Variants in TM9SF2 observed in about 807,000 individuals in gnomAD.
TM9SF2 encodes 76 kDa membrane protein.
TM9SF2 carries 13 observed loss-of-function variants against 84.9 expected under a neutral mutation model. The observed-to-expected ratio is 0.15, with a 90% CI of 0.10 to 0.24. The LOEUF (loss-of-function observed/expected upper bound fraction) is 0.24, where lower values mean the gene tolerates loss of function less well. Among genes scored for constraint, TM9SF2 ranks in the 10% least tolerant of loss-of-function variants. TM9SF2 has a pLI of 1.00. For missense variants in TM9SF2, 562 were observed against 818.5 expected (o/e 0.69, Z 3.82); for synonymous variants, 273 against 285.8 (o/e 0.96, Z 0.45).
intron 9 of TM9SF2, among the ~76,000 whole-genome samples, chr13:99,542,529 A>C (rs1169239676): frequency 6.6e-6 from 1 of 152,156 alleles, no homozygotes; most frequent in Non-Finnish European, 1.5e-5. Flanking sequence ...CACAAGAATC[A>C]CAGTAATTTG....
chr13:99,554,644 A>G (rs984874118), intron 14 of TM9SF2, among the ~76,000 whole-genome samples, 189 bp downstream of exon 14: 1 of 152,246 alleles, frequency 6.6e-6, no homozygotes, highest in Non-Finnish European at 1.5e-5. Flanking sequence ...GATAACAGCT[A>G]GTATAATATG....
At position 99,554,579 on chromosome 13, in the gene TM9SF2, C is replaced by T. The variant is rs906465546; in HGVS notation, c.1640+124C>T. ...AAGCAGTTCTTCAGTAACCAGAAAT[C>T]TTAAAAGCCAAAAGCTTATTTTTAT... On this transcript the variant is annotated intron_variant, in intron 14 of 16. Coordinates refer to ENST00000376387, the MANE Select transcript of TM9SF2 (RefSeq NM_004800.3). The T allele has an allele frequency of 3.8e-6, 4 of 1,052,614 alleles. No homozygotes were observed. The African/African-American group carries it at 6.5e-5, about 17-fold the overall frequency. 65.2% of individuals were successfully genotyped at this position (1,052,614 alleles called of 1,614,324 possible).
At chr13:99,508,443 A>ACCCCCC (rs61347104) in intron 1 of TM9SF2, among the ~76,000 whole-genome samples, 1 of 147,560 alleles carries the variant, frequency 6.8e-6, no homozygotes, top group East Asian at 2.0e-4. Flanking sequence ...ACACACACAC[A>ACCCCCC]CCCCAGAGAT....
intron 1 of TM9SF2, among the ~76,000 whole-genome samples, chr13:99,504,461 G>C (rs2046080372): frequency 6.6e-6 from 1 of 152,138 alleles, no homozygotes; most frequent in Non-Finnish European, 1.5e-5. Context: ...TGCAATATTT[G>C]TCATTGTTGT....
intron 2 of TM9SF2, among the ~76,000 whole-genome samples, chr13:99,518,937 C>T (rs868342621): frequency 2.0e-5 from 3 of 152,018 alleles, no homozygotes; most frequent in South Asian, 2.1e-4. Context: ...TTGTGAAAAA[C>T]GCTGCATGAA....
At position 99,547,044 on chromosome 13, in the gene TM9SF2, G is replaced by A. The variant is rs775258563; in HGVS notation, c.1210G>A (p.Val404Met). The A allele has an allele frequency of 4.3e-6, 7 of 1,614,094 alleles. No individual in the cohort carries two copies. In the South Asian group the frequency reaches 4.4e-5, roughly 10 times the overall value. ...ANRGALMTCA[V>M]VLWVLLGTPA... is the part of the protein sequence containing the mutation. ...CCGAGGAGCGCTGATGACGTGTGCT[G>A]TGGTCCTGTGGGTGCTGCTGGGCAC... Residue 404 changes from valine to methionine, a missense_variant, in exon 11 of 17, where the codon GTG (valine) becomes ATG (methionine). Physicochemically the swap from Val to Met is conservative, Grantham distance 21. Transcript: ENST00000376387.
rs938046921 is a variant in TM9SF2, at chr13:99,554,198, G to C, written c.1489-106G>C. 315 of 1,353,724 alleles carry C rather than the reference G, an allele frequency of 2.3e-4. No homozygotes were observed. The Middle Eastern group carries it at 2.5e-3, about 11-fold the overall frequency. 83.9% of individuals were successfully genotyped at this position (1,353,724 alleles called of 1,614,324 possible). ...TCTTAAGTAGACTTTATTGCCATTAGTGACAACATAGAAGCTGAAAAAAAG... is the reference window on the plus strand; with the variant it reads ...TCTTAAGTAGACTTTATTGCCATTACTGACAACATAGAAGCTGAAAAAAAG... On this transcript the variant is annotated intron_variant, in intron 13 of 16. Coordinates refer to ENST00000376387, the MANE Select transcript of TM9SF2 (RefSeq NM_004800.3).
intron 1 of TM9SF2, among the ~76,000 whole-genome samples, chr13:99,508,921 A>G (rs1354643138): frequency 3.3e-5 from 5 of 152,054 alleles, no homozygotes; most frequent in African/African-American, 9.7e-5. Context: ...GTGGGGAAAA[A>G]TACTCAAATC....
intron 1 of TM9SF2, among the ~76,000 whole-genome samples, chr13:99,505,493 A>C (rs531812137): frequency 6.6e-6 from 1 of 152,252 alleles, no homozygotes; most frequent in Non-Finnish European, 1.5e-5. Context: ...TTGCTATTGA[A>C]ATTTCTGTGT....
intron 3 of TM9SF2, among the ~76,000 whole-genome samples, chr13:99,524,360 T>C (rs1160321163): frequency 6.6e-6 from 1 of 152,002 alleles, no homozygotes; most frequent in Non-Finnish European, 1.5e-5. Context: ...GCCGACAGAA[T>C]TTGCCAAGGG....
chr13:99,504,309 A>T (rs192114617), intron 1 of TM9SF2, among the ~76,000 whole-genome samples: 2 of 152,332 alleles, frequency 1.3e-5, no homozygotes. Context: ...GATGCTGTTA[A>T]GTTAGTGAAT....
At chr13:99,539,636 G>A in intron 7 of TM9SF2, 79 bp downstream of exon 7, 2 of 934,748 alleles carry the variant, frequency 2.1e-6, no homozygotes, top group Non-Finnish European at 3.4e-6. Context: ...AAATGTTACT[G>A]ATTATGCTTG....
chr13:99,503,993 T>C (rs2046078518), intron 1 of TM9SF2, among the ~76,000 whole-genome samples: 1 of 152,248 alleles, frequency 6.6e-6, no homozygotes, highest in African/African-American at 2.4e-5. Flanking sequence ...ATCTGGTTAA[T>C]GGAAACAACT....
At position 99,559,381 on chromosome 13, in the gene TM9SF2, C is replaced by A; in HGVS notation, c.1771C>A (p.Arg591Ser). Residue 591 changes from arginine to serine, a missense_variant, in exon 16 of 17, where the codon CGT becomes AGT. Arg to Ser is a moderately radical substitution (Grantham distance 110). Transcript: ENST00000376387. ...TACCTAGGATTATCATTGGCAATGG[C>A]GTTCATTCCTTACGAGTGGCTTTAC... ...LCAEDYHWQW[R>S]SFLTSGFTAV... is the part of the protein sequence containing the mutation. 1 of 1,594,016 alleles carries A rather than the reference C, an allele frequency of 6.3e-7. No individual in the cohort carries two copies. The highest frequency in any genetic ancestry group is 8.5e-7 in the Non-Finnish European group (1 of 1,172,820).
chr13:99,516,335 A>G (rs1172539669), intron 1 of TM9SF2, among the ~76,000 whole-genome samples: 1 of 152,238 alleles, frequency 6.6e-6, no homozygotes, highest in Non-Finnish European at 1.5e-5. Flanking sequence ...AGTGAAATCA[A>G]AATGACAAGT....
At chr13:99,529,399 T>C (rs1161307995) in intron 3 of TM9SF2, 68 bp from the exon 4 acceptor site, 2 of 1,400,578 alleles carry the variant, frequency 1.4e-6, no homozygotes, top group African/African-American at 1.5e-5. Context: ...TTTTACTCTA[T>C]TTGTGATATT....
intron 1 of TM9SF2, among the ~76,000 whole-genome samples, chr13:99,504,857 T>TTTTATAG (rs1466789015): frequency 6.6e-6 from 1 of 152,220 alleles, no homozygotes; most frequent in Admixed American, 6.5e-5. Context: ...TTCATTCTGT[T>TTTTATAG]CCTGTACAAT....
chr13:99,550,659 A>G (rs891478373), intron 12 of TM9SF2, among the ~76,000 whole-genome samples: 1 of 152,218 alleles, frequency 6.6e-6, no homozygotes, highest in African/African-American at 2.4e-5. Context: ...TAGAAGGATC[A>G]TTTAATAACA....
chr13:99,515,497 T>C (rs2046129961), intron 1 of TM9SF2, among the ~76,000 whole-genome samples: 3 of 152,186 alleles, frequency 2.0e-5, no homozygotes, highest in Admixed American at 2.0e-4. Context: ...TGAGTAGAGG[T>C]GTAGGGGCCA....
Sources: gnomAD v4.1 joint callset for allele counts (sites outside exome capture counted in the v4.1 genomes callset) on GRCh38, gnomAD v4.1.1 for gene constraint, MANE v1.5 for transcripts, NCBI Gene and HGNC (gene_info 2026-07-23, HGNC 2026-07-21) for gene names.